The following DOCK10 variants were observed in gnomAD, a reference collection of about 807,000 sequenced individuals.
DOCK10 encodes dedicator of cytokinesis 10.
In DOCK10, 145 loss-of-function variants were observed where a neutral mutation model predicts 280.1. The ratio of observed to expected loss-of-function variants is 0.52; its 90% CI spans 0.45 to 0.59. The LOEUF is 0.59. DOCK10 is among the 20% of genes least tolerant of loss of function. The probability of loss-of-function intolerance (pLI) is 0.00; values close to 1 mark genes in which losing one functional copy is unlikely to be tolerated. For missense variants in DOCK10, 2,368 were observed against 2,651.7 expected (o/e 0.89, Z 2.35); for synonymous variants, 915 against 942.2 (o/e 0.97, Z 0.53).
At chr2:224,834,633 G>A (rs1053904669) in intron 25 of DOCK10, among the ~76,000 whole-genome samples, 1 of 152,142 alleles carries the variant, frequency 6.6e-6, no homozygotes, top group Admixed American at 6.5e-5. Flanking sequence ...TGAAAGGGTA[G>A]AGCACCCACT....
rs1475914338 is a variant in DOCK10, at chr2:225,028,540, C to T, written c.123+13712G>A. ...TCACCTACACTACGGTAGGATAATA[C>T]ACAGATGCTGTTTAAGCGCTAAGTT... On this transcript the variant is annotated intron_variant, in intron 1 of 55. Transcript: ENST00000258390. 5.3e-5 allele frequency among the ~76,000 whole-genome samples: 8 copies of T among 152,170 alleles called. 1 individual carries two copies. In the South Asian group the frequency reaches 6.2e-4, roughly 12 times the overall value.
At chr2:224,821,851 C>T (rs1179874260) in intron 28 of DOCK10, among the ~76,000 whole-genome samples, 6 of 152,104 alleles carry the variant, frequency 3.9e-5, no homozygotes, top group African/African-American at 9.7e-5. Flanking sequence ...CTTTTCCCCC[C>T]TTTAAACTTT....
At chr2:224,906,764 T>C (rs554637351) in intron 3 of DOCK10, among the ~76,000 whole-genome samples, 164 of 152,272 alleles carry the variant, frequency 1.1e-3, no homozygotes, top group Non-Finnish European at 4.0e-4. Flanking sequence ...CAGGCGTCAG[T>C]CACCGCACCC....
At chr2:224,922,656 G>A (rs908129660) in intron 2 of DOCK10, among the ~76,000 whole-genome samples, 3 of 152,094 alleles carry the variant, frequency 2.0e-5, no homozygotes, top group Admixed American at 1.3e-4. Context: ...TGGAGGTTTC[G>A]TTACAGCCAC....
chr2:224,945,807 G>C (rs1703379662), intron 1 of DOCK10, among the ~76,000 whole-genome samples: 1 of 152,062 alleles, frequency 6.6e-6, no homozygotes, highest in Admixed American at 6.6e-5. Context: ...CACCCTCCCG[G>C]AGACGTTTAG....
chr2:224,803,950 A>T (rs911889516), intron 39 of DOCK10, among the ~76,000 whole-genome samples, 162 bp downstream of exon 39: 4 of 152,062 alleles, frequency 2.6e-5, no homozygotes, highest in African/African-American at 9.7e-5. Flanking sequence ...CTTTAGGTAG[A>T]CATATAGTTA....
intron 1 of DOCK10, among the ~76,000 whole-genome samples, chr2:225,040,175 C>T (rs1690380608): frequency 6.6e-6 from 1 of 152,204 alleles, no homozygotes; most frequent in African/African-American, 2.4e-5. Flanking sequence ...TCTACACCCA[C>T]AGAATCCCAC....
At chr2:224,907,160 T>C (rs1301195650) in intron 3 of DOCK10, among the ~76,000 whole-genome samples, 1 of 152,202 alleles carries the variant, frequency 6.6e-6, no homozygotes, top group Non-Finnish European at 1.5e-5. Context: ...GCTAATCTGA[T>C]AATTAGGTAG....
intron 8 of DOCK10, 87 bp downstream of exon 8, chr2:224,875,951 A>G (rs1455829235): frequency 2.2e-6 from 3 of 1,351,868 alleles, no homozygotes; most frequent in Admixed American, 2.2e-5. Context: ...TAGACCAGAC[A>G]GCAACTACAA....
At chr2:225,025,342 C>T (rs1444726914) in intron 1 of DOCK10, among the ~76,000 whole-genome samples, 2 of 152,022 alleles carry the variant, frequency 1.3e-5, no homozygotes, top group Non-Finnish European at 2.9e-5. Flanking sequence ...CACTGGAGTT[C>T]GAAACTCCTA....
chr2:224,874,519 G>T, intron 9 of DOCK10, 147 bp downstream of exon 9: 2 of 924,832 alleles, frequency 2.2e-6, no homozygotes, highest in Non-Finnish European at 3.4e-6. Flanking sequence ...CTATGTGTAT[G>T]TTAATGAAAA....
intron 3 of DOCK10, among the ~76,000 whole-genome samples, chr2:224,899,967 T>A (rs2125847665): frequency 6.6e-6 from 1 of 152,314 alleles, no homozygotes; most frequent in East Asian, 1.9e-4. Context: ...ACATTTTATT[T>A]GTTTGGATCT....
chr2:224,867,637 G>T (rs1698014567), intron 11 of DOCK10, among the ~76,000 whole-genome samples: 1 of 152,200 alleles, frequency 6.6e-6, no homozygotes, highest in Non-Finnish European at 1.5e-5. Context: ...TCTAGGTAGG[G>T]TGTGTGACAT....
chr2:224,917,997 A>G (rs1701431383), intron 2 of DOCK10, among the ~76,000 whole-genome samples: 1 of 152,188 alleles, frequency 6.6e-6, no homozygotes, highest in Non-Finnish European at 1.5e-5. Context: ...GTTGGAACAG[A>G]TAAGAATCTC....
At chr2:224,849,304 T>C (rs1052625541) in intron 19 of DOCK10, among the ~76,000 whole-genome samples, 5 of 152,220 alleles carry the variant, frequency 3.3e-5, no homozygotes, top group Non-Finnish European at 7.3e-5. Flanking sequence ...AGGTCACTCC[T>C]GTCCTGAAAT....
At chr2:224,880,490 T>C (rs995204295) in intron 7 of DOCK10, among the ~76,000 whole-genome samples, 1 of 152,240 alleles carries the variant, frequency 6.6e-6, no homozygotes, top group African/African-American at 2.4e-5. Flanking sequence ...GTCATTAAAA[T>C]GGTAATCAAG....
At chr2:224,783,200 G>A (rs1214784257) in intron 50 of DOCK10, among the ~76,000 whole-genome samples, 4 of 152,086 alleles carry the variant, frequency 2.6e-5, no homozygotes, top group African/African-American at 9.7e-5. Context: ...TTGAACTTAT[G>A]GAGTGTCGTG....
Position 224,886,197 on chromosome 2 carries a change from G to C in DOCK10, c.490-12C>G. Reference sequence around the variant, plus strand: ...TGGGAAGTGGTATCCTGTAGGAAAGGCATAGTAGCATGACAGCCATCTTTT... The same window carrying C: ...TGGGAAGTGGTATCCTGTAGGAAAGCCATAGTAGCATGACAGCCATCTTTT... On this transcript the variant is annotated splice_polypyrimidine_tract_variant and intron_variant, in intron 5 of 55. Coordinates refer to ENST00000258390, the MANE Select transcript of DOCK10 (RefSeq NM_014689.3). The C allele has an allele frequency of 6.2e-7, 1 of 1,613,586 alleles. No individual in the cohort carries two copies. The highest frequency in any genetic ancestry group is 8.5e-7 in the Non-Finnish European group (1 of 1,179,682).
At chr2:224,921,948 A>C (rs1478889699) in intron 2 of DOCK10, among the ~76,000 whole-genome samples, 1 of 151,906 alleles carries the variant, frequency 6.6e-6, no homozygotes, top group Non-Finnish European at 1.5e-5. Flanking sequence ...AAAAATAAAA[A>C]TAAAATAAAA....
Sources: allele counts gnomAD v4.1 joint callset (sites outside exome capture counted in the v4.1 genomes callset), GRCh38; gene constraint gnomAD v4.1.1; transcripts MANE v1.5; gene names NCBI Gene and HGNC (gene_info 2026-07-23, HGNC 2026-07-21).